Variants in SLC44A3 observed in about 807,000 individuals in gnomAD.
The protein encoded by SLC44A3 is solute carrier family 44 member 3, also known as choline transporter-like protein 3.
SLC44A3 carries 74 observed loss-of-function variants against 75.4 expected under a neutral mutation model. The ratio of observed to expected loss-of-function variants is 0.98; its 90% CI spans 0.81 to 1.19. SLC44A3 has a LOEUF of 1.19. Among genes scored for constraint, SLC44A3 ranks in the 50% most tolerant of loss-of-function variants. The probability of loss-of-function intolerance (pLI) is 0.00; values close to 1 mark genes in which losing one functional copy is unlikely to be tolerated. For missense variants in SLC44A3, 700 were observed against 778.6 expected (o/e 0.90, Z 1.20); for synonymous variants, 310 against 296.9 (o/e 1.04, Z -0.45).
chr1:94,824,008 G>A (rs1660958249), intron 2 of SLC44A3, among the ~76,000 whole-genome samples: 1 of 151,962 alleles, frequency 6.6e-6, no homozygotes, highest in African/African-American at 2.4e-5. Flanking sequence ...TTGCAGATTG[G>A]TGAACAGTGT....
chr1:94,879,969 G>C (rs541057651), intron 12 of SLC44A3, among the ~76,000 whole-genome samples: 2 of 152,216 alleles, frequency 1.3e-5, no homozygotes, highest in East Asian at 3.9e-4. Context: ...TCAAAACTGC[G>C]ATATATCACC....
Position 94,839,377 on chromosome 1 carries a change from T to A in SLC44A3, c.671-571T>A, listed in dbSNP as rs538042498. 9.9e-5 allele frequency among the ~76,000 whole-genome samples: 15 copies of A among 152,104 alleles called. No homozygotes were observed. The East Asian group carries it at 1.5e-3, about 16-fold the overall frequency. ...ATTTGAGAATAATATTGCTATAAAA[T>A]TTTTTTTCTTTCTTTCTTTTTTTTT... is the stretch of plus-strand genomic sequence containing the variant. On this transcript the variant is annotated intron_variant, in intron 6 of 14. Coordinates refer to ENST00000271227, the MANE Select transcript of SLC44A3 (RefSeq NM_001114106.3).
Position 94,820,410 on chromosome 1 carries a change from G to C in SLC44A3, c.-42G>C, listed in dbSNP as rs1660380919. On this transcript the variant is annotated 5_prime_UTR_variant, in exon 1 of 15. Coordinates refer to ENST00000271227, the MANE Select transcript of SLC44A3 (RefSeq NM_001114106.3). ...CGCTGCGTCTCCGCGTACAGGAGGC[G>C]GCGGCGGCTCCCAGTCACCGGCCCC... 19 of 1,445,012 alleles carry C rather than the reference G, an allele frequency of 1.3e-5. No individual in the cohort carries two copies. Among genetic ancestry groups the C allele is most frequent in the Non-Finnish European group, 9.1e-6 (10 of 1,101,878 alleles). The allele number at this position is 1,445,012 out of a possible 1,614,324, so 89.5% of individuals were successfully genotyped here. A position where few individuals can be genotyped will look rare whatever the true frequency, so the allele number is the denominator to read the frequency against.
intron 11 of SLC44A3, among the ~76,000 whole-genome samples, chr1:94,866,976 A>G (rs1355967352): frequency 6.6e-6 from 1 of 152,102 alleles, no homozygotes; most frequent in African/African-American, 2.4e-5. Context: ...GTGAATATAA[A>G]CTTTGGTTTG....
intron 12 of SLC44A3, among the ~76,000 whole-genome samples, chr1:94,873,018 A>G (rs1557871147): frequency 1.3e-5 from 2 of 152,208 alleles, no homozygotes; most frequent in South Asian, 4.1e-4. Flanking sequence ...GGAGCCATTT[A>G]TCTGTATCTA....
chr1:94,847,152 A>G (rs1664511561), intron 9 of SLC44A3, among the ~76,000 whole-genome samples: 3 of 152,262 alleles, frequency 2.0e-5, no homozygotes, highest in African/African-American at 7.2e-5. Context: ...AAGAAAACTC[A>G]AAACAACAGT....
rs181742452 is a variant in SLC44A3 at position 94,846,413 on chromosome 1, G to A, written c.1072+949G>A. On this transcript the variant is annotated intron_variant, in intron 9 of 14. Coordinates refer to ENST00000271227, the MANE Select transcript of SLC44A3 (RefSeq NM_001114106.3). ...ATGTTCTTGTAAAGCTCCGTAACAG[G>A]GCAAGCATATTCTAAAGCAGCACTA... Among the ~76,000 whole-genome samples the A allele has an allele frequency of 5.5e-4, 83 of 152,264 alleles. 1 individual carries two copies. The highest frequency in any genetic ancestry group is 9.7e-4 in the East Asian group (5 of 5,174).
intron 9 of SLC44A3, among the ~76,000 whole-genome samples, chr1:94,850,549 G>T (rs1665090914): frequency 6.6e-6 from 1 of 152,198 alleles, no homozygotes; most frequent in Non-Finnish European, 1.5e-5. Context: ...GATACACAAA[G>T]GGGTGAGCTT....
chr1:94,886,655 G>A (rs1669624889), intron 12 of SLC44A3, among the ~76,000 whole-genome samples: 1 of 152,050 alleles, frequency 6.6e-6, no homozygotes, highest in Non-Finnish European at 1.5e-5. Flanking sequence ...CCTCACATGT[G>A]CACTTGTGCT....
intron 12 of SLC44A3, among the ~76,000 whole-genome samples, chr1:94,873,121 G>T (rs1408655538): frequency 6.6e-6 from 1 of 152,174 alleles, no homozygotes; most frequent in Non-Finnish European, 1.5e-5. Flanking sequence ...AGGCAGCTCA[G>T]TCATTCTCAA....
intron 12 of SLC44A3, among the ~76,000 whole-genome samples, chr1:94,872,411 C>CT (rs397795189): frequency 0.039 from 5,805 of 147,828 alleles, 302 homozygotes; most frequent in African/African-American, 0.13. Context: ...TTTATTCATT[C>CT]TTTTTTTTTT....
At chr1:94,828,170 A>C (rs909947314) in intron 4 of SLC44A3, among the ~76,000 whole-genome samples, 3 of 152,222 alleles carry the variant, frequency 2.0e-5, no homozygotes, top group African/African-American at 7.2e-5. Flanking sequence ...TCTGTCTGAG[A>C]AATGGTTTGC....
At chr1:94,834,522 T>G (rs374975019) in intron 5 of SLC44A3, among the ~76,000 whole-genome samples, 7 of 152,314 alleles carry the variant, frequency 4.6e-5, no homozygotes, top group African/African-American at 1.7e-4. Flanking sequence ...TCTTGCCCTG[T>G]TGCCCAGGCT....
intron 9 of SLC44A3, among the ~76,000 whole-genome samples, chr1:94,853,171 A>G (rs558768361): frequency 6.6e-5 from 10 of 152,306 alleles, no homozygotes; most frequent in African/African-American, 1.2e-4. Context: ...GGGAGTGACC[A>G]GTGGGTCGAA....
At chr1:94,834,042 T>A (rs1421271381) in intron 5 of SLC44A3, among the ~76,000 whole-genome samples, 5 of 152,240 alleles carry the variant, frequency 3.3e-5, no homozygotes, top group Admixed American at 3.3e-4. Context: ...ACATAGCTAC[T>A]GGTTAACAAT....
intron 6 of SLC44A3, among the ~76,000 whole-genome samples, chr1:94,838,548 C>T (rs1049036829): frequency 6.6e-6 from 1 of 152,224 alleles, no homozygotes; most frequent in African/African-American, 2.4e-5. Flanking sequence ...ATTGTCTCCT[C>T]GCTTTCCAGT....
At chr1:94,836,393 C>T (rs1023554691) in intron 5 of SLC44A3, among the ~76,000 whole-genome samples, 5 of 152,196 alleles carry the variant, frequency 3.3e-5, no homozygotes, top group Non-Finnish European at 4.4e-5. Flanking sequence ...CAGTTATCAA[C>T]TGCAGCATCA....
At chr1:94,886,755 C>T (rs1475867662) in intron 12 of SLC44A3, among the ~76,000 whole-genome samples, 8 of 152,136 alleles carry the variant, frequency 5.3e-5, no homozygotes, top group Non-Finnish European at 1.5e-5. Flanking sequence ...TCGGGACAGT[C>T]CCAGGTGACC....
At chr1:94,831,945 G>A (rs1462833291) in intron 5 of SLC44A3, among the ~76,000 whole-genome samples, 6 of 152,118 alleles carry the variant, frequency 3.9e-5, no homozygotes, top group Admixed American at 2.6e-4. Context: ...AGGGCGAGGC[G>A]GGCAGATCAC....
Sources: gnomAD v4.1 joint callset for allele counts (sites outside exome capture counted in the v4.1 genomes callset) on GRCh38, gnomAD v4.1.1 for gene constraint, MANE v1.5 for transcripts, NCBI Gene and HGNC (gene_info 2026-07-23, HGNC 2026-07-21) for gene names.